Variants in AGTPBP1 observed in about 807,000 individuals in gnomAD.
The protein encoded by AGTPBP1 is ATP/GTP binding carboxypeptidase 1.
AGTPBP1 carries 70 observed loss-of-function variants against 143.9 expected under a neutral mutation model. The ratio of observed to expected loss-of-function variants is 0.49; its 90% CI spans 0.40 to 0.59. AGTPBP1 has a LOEUF of 0.59. Ranked by LOEUF, AGTPBP1 falls within the 20% of genes least tolerant of loss-of-function variation. The probability of loss-of-function intolerance (pLI) is 0.00; values close to 1 mark genes in which losing one functional copy is unlikely to be tolerated. For synonymous variants in AGTPBP1, 463 were observed against 500.2 expected (o/e 0.93, Z 0.99); for missense variants, 1,229 against 1,464.5 (o/e 0.84, Z 2.62).
At chr9:85,648,315 G>A (rs1241171184) in intron 11 of AGTPBP1, among the ~76,000 whole-genome samples, 1 of 152,180 alleles carries the variant, frequency 6.6e-6, no homozygotes, top group Non-Finnish European at 1.5e-5. Context: ...TGTAACAGCA[G>A]TTTAGTCGAC....
At chr9:85,585,629 C>A (rs1423996864) in intron 22 of AGTPBP1, 35 bp from the exon 23 acceptor site, 1 of 1,513,838 alleles carries the variant, frequency 6.6e-7, no homozygotes, top group Admixed American at 1.9e-5. Context: ...TAAAAGACTT[C>A]AAGTTCATAT....
intron 25 of AGTPBP1, among the ~76,000 whole-genome samples, chr9:85,563,223 A>G (rs1352534412): frequency 6.6e-6 from 1 of 152,196 alleles, no homozygotes; most frequent in Non-Finnish European, 1.5e-5. Context: ...AAAATGTGGC[A>G]GCAGTTTTGG....
At chr9:85,654,262 G>C (rs2133923580) in intron 11 of AGTPBP1, among the ~76,000 whole-genome samples, 1 of 152,090 alleles carries the variant, frequency 6.6e-6, no homozygotes, top group East Asian at 1.9e-4. Context: ...CACTTTGGTA[G>C]ATGTTGTCAA....
intron 8 of AGTPBP1, among the ~76,000 whole-genome samples, chr9:85,668,642 G>A (rs1834277380): frequency 6.6e-6 from 1 of 151,680 alleles, no homozygotes; most frequent in South Asian, 2.1e-4. Context: ...ACACATTTAT[G>A]TATATATAAA....
At chr9:85,743,611 C>G (rs968604725), upstream of AGTPBP1, among the ~76,000 whole-genome samples, 1 of 152,196 alleles carries the variant, frequency 6.6e-6, no homozygotes, top group African/African-American at 2.4e-5. Context: ...TTACTGACCT[C>G]AACTACAGGA....
intron 1 of AGTPBP1, among the ~76,000 whole-genome samples, chr9:85,728,236 A>G (rs539824328): frequency 2.6e-4 from 40 of 152,286 alleles, no homozygotes; most frequent in Middle Eastern, 3.4e-3. Context: ...GAAAAGGAAA[A>G]GTAAATAGTA....
chr9:85,649,712 T>A (rs543108221), intron 11 of AGTPBP1, among the ~76,000 whole-genome samples: 81 of 152,142 alleles, frequency 5.3e-4, no homozygotes, highest in Non-Finnish European at 1.0e-3. Flanking sequence ...CAGGAAATAT[T>A]CCTGTGTTCC....
the AGTPBP1 span, chr9:85,786,191 T>C: frequency 6.3e-7 from 1 of 1,597,830 alleles, no homozygotes; most frequent in Non-Finnish European, 8.6e-7. Context: ...AGTATGAAAT[T>C]AAGTGGAAGA....
intron 1 of AGTPBP1, among the ~76,000 whole-genome samples, chr9:85,714,012 T>A (rs1837547574): frequency 6.6e-6 from 1 of 152,176 alleles, no homozygotes; most frequent in African/African-American, 2.4e-5. Flanking sequence ...TAACAGCACA[T>A]CTCATGAAAA....
the AGTPBP1 span, among the ~76,000 whole-genome samples, chr9:85,795,291 T>G: frequency 1.3e-5 from 2 of 152,244 alleles, no homozygotes; most frequent in African/African-American, 4.8e-5. Context: ...TTGAGAATAC[T>G]TTGTATATAT....
chr9:85,646,657 T>G (rs1832828023), intron 11 of AGTPBP1, among the ~76,000 whole-genome samples: 1 of 152,188 alleles, frequency 6.6e-6, no homozygotes, highest in South Asian at 2.1e-4. Flanking sequence ...TGTTCTCAGT[T>G]TTTAAAAATA....
At chr9:85,697,558 T>G (rs1015397855) in intron 2 of AGTPBP1, among the ~76,000 whole-genome samples, 1 of 142,914 alleles carries the variant, frequency 7.0e-6, no homozygotes, top group African/African-American at 2.6e-5. Context: ...GTTCACGCCA[T>G]TCTCCTGCCT....
intron 23 of AGTPBP1, among the ~76,000 whole-genome samples, chr9:85,580,433 C>T (rs1828185827): frequency 1.3e-5 from 2 of 151,672 alleles, no homozygotes; most frequent in African/African-American, 2.4e-5. Flanking sequence ...GAGTCTCGCA[C>T]TGTTGCTCAC....
intron 14 of AGTPBP1, among the ~76,000 whole-genome samples, chr9:85,621,672 T>C (rs1452368698): frequency 6.6e-6 from 1 of 152,070 alleles, no homozygotes; most frequent in African/African-American, 2.4e-5. Flanking sequence ...AAGCCAGAGA[T>C]TATATAAGAA....
chr9:85,684,731 T>C (rs569087218), intron 3 of AGTPBP1, among the ~76,000 whole-genome samples: 1 of 152,314 alleles, frequency 6.6e-6, no homozygotes, highest in Admixed American at 6.5e-5. Flanking sequence ...CACTTAGCAC[T>C]GTTGACTACT....
chr9:85,608,349 G>C (rs927607971), intron 17 of AGTPBP1, among the ~76,000 whole-genome samples: 2 of 151,964 alleles, frequency 1.3e-5, no homozygotes, highest in African/African-American at 4.8e-5. Flanking sequence ...GAAATCGACA[G>C]GGACATACTA....
the AGTPBP1 span, among the ~76,000 whole-genome samples, chr9:85,778,410 C>T: frequency 6.6e-6 from 1 of 152,326 alleles, no homozygotes; most frequent in African/African-American, 2.4e-5. Flanking sequence ...CTGTGATTCA[C>T]CTATGGGGGT....
chr9:85,685,527 T>A (rs554989958), intron 3 of AGTPBP1, among the ~76,000 whole-genome samples: 34 of 152,040 alleles, frequency 2.2e-4, no homozygotes, highest in Admixed American at 3.9e-4. Flanking sequence ...AAACCAGAAT[T>A]CTATATCCAG....
chr9:85,765,939 G>A, the AGTPBP1 span, among the ~76,000 whole-genome samples: 1 of 152,118 alleles, frequency 6.6e-6, no homozygotes, highest in Non-Finnish European at 1.5e-5. Flanking sequence ...CTCTGTTGCC[G>A]TTTTATAACT....
Sources: gnomAD v4.1 joint callset for allele counts (sites outside exome capture counted in the v4.1 genomes callset) on GRCh38, gnomAD v4.1.1 for gene constraint, MANE v1.5 for transcripts, NCBI Gene and HGNC (gene_info 2026-07-23, HGNC 2026-07-21) for gene names.